Variants in CYP1B1 observed in about 807,000 individuals in gnomAD.
CYP1B1 encodes the protein cytochrome P450 family 1 subfamily B member 1.
A neutral mutation model predicts 29.9 loss-of-function variants in CYP1B1; 22 were observed. The observed-to-expected ratio is 0.74, with a 90% confidence interval of 0.53 to 1.05. The LOEUF is 1.05. Ranked by LOEUF, CYP1B1 falls within the 50% of genes least tolerant of loss-of-function variation. The probability of loss-of-function intolerance (pLI) is 0.00; values close to 1 mark genes in which losing one functional copy is unlikely to be tolerated. For missense variants in CYP1B1, 883 were observed against 746.9 expected, an observed-to-expected ratio of 1.18 and a Z score of -2.12; for synonymous variants, 375 against 320.0, an observed-to-expected ratio of 1.17 and a Z score of -1.83.
Position 38,067,585 on chromosome 2 carries a change from C to T in CYP1B1, c.*3137G>A, listed in dbSNP as rs1023072470. Reference sequence around the variant, plus strand: ...GTGATACATTAGACTATATTTGCTACAACATAAAACTTCATAACAAGATTA... The same window carrying T: ...GTGATACATTAGACTATATTTGCTATAACATAAAACTTCATAACAAGATTA... On this transcript the variant is annotated 3_prime_UTR_variant, in exon 3 of 3. Coordinates refer to ENST00000610745, the MANE Select transcript of CYP1B1 (RefSeq NM_000104.4). The T allele has an allele frequency of 5.8e-6, 1 of 172,244 alleles. No homozygotes were observed. Among genetic ancestry groups the T allele is most frequent in the Non-Finnish European group, 1.3e-5 (1 of 79,490 alleles). The allele number at this position is 172,244 out of a possible 1,614,324, so 10.7% of individuals were successfully genotyped here.
intron 2 of CYP1B1, chr2:38,074,084 T>C (rs1682479115): frequency 1.7e-6 from 1 of 577,290 alleles, no homozygotes; most frequent in Non-Finnish European, 3.1e-6. Flanking sequence ...TTTGCAAATG[T>C]GTTCTCACTC....
chr2:38,073,731 A>C (rs554373043), intron 2 of CYP1B1: 7 of 152,586 alleles, frequency 4.6e-5, no homozygotes, highest in African/African-American at 1.7e-4. Flanking sequence ...GCATTTCTCA[A>C]ACTCCTAGCG....
rs1267757855 is a variant in CYP1B1, at chr2:38,074,899, G to A, written c.490C>T (p.Gln164Ter). The A allele has an allele frequency of 6.4e-7, 1 of 1,556,118 alleles. No individual in the cohort carries two copies. The highest frequency in any genetic ancestry group is 8.7e-7 in the Non-Finnish European group (1 of 1,154,488). ...CTCAGCACGTGGCCCTCGAGGACTT[G>A]GCGGCTGCGCGGCTGGCGCGTGAAG... ...NFFTRQPRSR[Q>*]VLEGHVLSEA... The change falls in exon 2 of 3, where the codon CAA (glutamine) becomes TAA (stop). Residue 164 changes from glutamine (Q) to a stop codon, truncating the protein, a stop_gained. Coordinates refer to ENST00000610745, the MANE Select transcript of CYP1B1 (RefSeq NM_000104.4). LOFTEE classifies it high-confidence loss of function.
chr2:38,072,746 T>C (rs1192674070), intron 2 of CYP1B1, among the ~76,000 whole-genome samples: 1 of 152,228 alleles, frequency 6.6e-6, no homozygotes, highest in African/African-American at 2.4e-5. Flanking sequence ...AAACCCTCTT[T>C]GTTGCACTAC....
rs746835202 is a variant in CYP1B1 at position 38,070,689 on chromosome 2, A to C, written c.*33T>G. ...TTACTCCTCATCTCCGAAGATGTGA[A>C]TATTTCTAAAATTTCAGCTTGCCTC... On this transcript the variant is annotated 3_prime_UTR_variant, in exon 3 of 3. Coordinates refer to ENST00000610745, the MANE Select transcript of CYP1B1 (RefSeq NM_000104.4). The C allele has an allele frequency of 3.2e-6, 5 of 1,585,828 alleles. No individual in the cohort carries two copies. In the South Asian group the frequency reaches 4.4e-5, roughly 14 times the overall value.
Position 38,068,869 on chromosome 2 carries a change from C to A in CYP1B1, c.*1853G>T, listed in dbSNP as rs9341265. 1,034 of 227,302 alleles carry A rather than the reference C, an allele frequency of 4.5e-3. 16 individuals carry two copies. Among genetic ancestry groups the A allele is most frequent in the East Asian group, 0.039 (615 of 15,848 alleles). The allele number at this position is 227,302 out of a possible 1,614,324, so 14.1% of individuals were successfully genotyped here. On this transcript the variant is annotated 3_prime_UTR_variant, in exon 3 of 3. Transcript: ENST00000610745. ...TCAGAATGAGTGGGAAAATGTTTAA[C>A]CATCTTTCCTTCTTTTCAGTGTTTC...
At chr2:38,072,903 A>G (rs1682457774) in intron 2 of CYP1B1, among the ~76,000 whole-genome samples, 1 of 152,250 alleles carries the variant, frequency 6.6e-6, no homozygotes, top group East Asian at 1.9e-4. Context: ...AAAAGGAAAA[A>G]AAAAGTATCA....
chr2:38,069,823 A>G lies in CYP1B1; in HGVS notation c.*899T>C, dbSNP rs1208063962. On this transcript the variant is annotated 3_prime_UTR_variant, in exon 3 of 3. Coordinates refer to ENST00000610745, the MANE Select transcript of CYP1B1 (RefSeq NM_000104.4). Reference sequence around the variant, plus strand: ...CTGCTTACGGACAGTTAAGTAATATATTTCACACTATTTGGTGACTTTTTT... The same window carrying G: ...CTGCTTACGGACAGTTAAGTAATATGTTTCACACTATTTGGTGACTTTTTT... The G allele has an allele frequency of 5.1e-6, 1 of 195,198 alleles. No homozygotes were observed. The highest frequency in any genetic ancestry group is 2.3e-5 in the African/African-American group (1 of 43,276). The allele number at this position is 195,198 out of a possible 1,614,324, so 12.1% of individuals were successfully genotyped here.
chr2:38,068,830 C>T lies in CYP1B1; in HGVS notation c.*1892G>A, dbSNP rs1380286136. The T allele has an allele frequency of 8.8e-6, 2 of 226,586 alleles. No homozygotes were observed. Among genetic ancestry groups the T allele is most frequent in the Non-Finnish European group, 1.8e-5 (2 of 113,806 alleles). 14.0% of individuals were successfully genotyped at this position (226,586 alleles called of 1,614,324 possible). A position where few individuals can be genotyped will look rare whatever the true frequency, so the allele number is the denominator to read the frequency against. The stretch of plus-strand genomic sequence containing the variant: ...ATGTCCATGCTTTGAATTTTGTGCT[C>T]CAAATTAATTAATTCAGAATGAGTG... On this transcript the variant is annotated 3_prime_UTR_variant, in exon 3 of 3. Coordinates refer to ENST00000610745, the MANE Select transcript of CYP1B1 (RefSeq NM_000104.4).
chr2:38,071,360 A>G lies in CYP1B1; in HGVS notation c.1044-50T>C, dbSNP rs766412697. 9 of 1,520,722 alleles carry G rather than the reference A, an allele frequency of 5.9e-6. No homozygotes were observed. In the South Asian group the frequency reaches 8.0e-5, roughly 14 times the overall value. 94.2% of individuals were successfully genotyped at this position (1,520,722 alleles called of 1,614,324 possible). A position where few individuals can be genotyped will look rare whatever the true frequency, so the allele number is the denominator to read the frequency against. ...AGAAAAGCAAGTGAGCAAAATTCTT[A>G]TTTCATCTAGAAAGCACATTATAAT... On this transcript the variant is annotated intron_variant, in intron 2 of 2. Transcript: ENST00000610745.
chr2:38,072,325 C>A (rs1231655980), intron 2 of CYP1B1, among the ~76,000 whole-genome samples: 3 of 151,990 alleles, frequency 2.0e-5, no homozygotes, highest in Non-Finnish European at 4.4e-5. Context: ...GAGTTTGGGA[C>A]CAGCCTGGGT....
chr2:38,075,626 C>G, intron 1 of CYP1B1, 154 bp downstream of exon 1: 1 of 590,998 alleles, frequency 1.7e-6, no homozygotes, highest in Non-Finnish European at 3.0e-6. Context: ...CCCCTCCCCG[C>G]AAGGCGCGTA....
Position 38,070,644 on chromosome 2 carries a change from A to G in CYP1B1, c.*78T>C, listed in dbSNP as rs932683792. On this transcript the variant is annotated 3_prime_UTR_variant, in exon 3 of 3. Coordinates refer to ENST00000610745, the MANE Select transcript of CYP1B1 (RefSeq NM_000104.4). ...TAATTGAGAAGCAGCACAAAAGAGG[A>G]ACTGGAAAAAAACTGAATTTTACTC... 2.0e-5 allele frequency: 25 copies of G among 1,255,918 alleles called. No homozygotes were observed. The highest frequency in any genetic ancestry group is 2.7e-5 in the Non-Finnish European group (23 of 856,690). 77.8% of individuals were successfully genotyped at this position (1,255,918 alleles called of 1,614,324 possible).
At position 38,070,996 on chromosome 2, in the gene CYP1B1, T is replaced by G. The variant is rs1800440; in HGVS notation, c.1358A>C (p.Asn453Thr). 1.2e-6 allele frequency: 2 copies of G among 1,613,986 alleles called. No individual in the cohort carries two copies. Among genetic ancestry groups the G allele is most frequent in the African/African-American group, 2.7e-5 (2 of 74,898 alleles). The change falls in exon 3 of 3, where the codon AAC (asparagine) becomes ACC (threonine). Residue 453 changes from asparagine to threonine, a missense_variant. By Grantham distance (65) the Asn-to-Thr change is moderately conservative. Coordinates refer to ENST00000610745, the MANE Select transcript of CYP1B1 (RefSeq NM_000104.4). ...ARFLDKDGLI[N>T]KDLTSRVMIF... ...CATCACTCTGCTGGTCAGGTCCTTG[T>G]TGATGAGGCCATCCTTGTCCAAGAA...
rs1433481522 is a variant in CYP1B1 at position 38,069,903 on chromosome 2, C to A, written c.*819G>T. On this transcript the variant is annotated 3_prime_UTR_variant, in exon 3 of 3. Transcript: ENST00000610745. ...TACATTATGGTCACATAATTTAAAG[C>A]TTGGCTGGCTTTTTTTTTTTTCTTT... 5.1e-6 allele frequency: 1 copy of A among 198,016 alleles called. No individual in the cohort carries two copies. The highest frequency in any genetic ancestry group is 1.0e-5 in the Non-Finnish European group (1 of 96,528). The allele number at this position is 198,016 out of a possible 1,614,324, so 12.3% of individuals were successfully genotyped here. A position where few individuals can be genotyped will look rare whatever the true frequency, so the allele number is the denominator to read the frequency against.
chr2:38,070,789 A>G lies in CYP1B1; in HGVS notation c.1565T>C (p.Leu522Pro), dbSNP rs1474530569. The change falls in exon 3 of 3, where the codon CTC (leucine) becomes CCC (proline). Residue 522 changes from leucine to proline, a missense_variant. Leu to Pro is a moderately conservative substitution (Grantham distance 98, BLOSUM62 -3). Transcript: ENST00000610745. ...ATCAAGGAGCTCCATGGACTCTCTG[A>G]GAGTGACATTGACTTTAAATGACTT... ...KPKSFKVNVT[L>P]RESMELLDSA... is the part of the protein sequence containing the mutation. 1.2e-6 allele frequency: 2 copies of G among 1,614,248 alleles called. No homozygotes were observed. The highest frequency in any genetic ancestry group is 2.2e-5 in the East Asian group (1 of 44,892).
In CYP1B1 at chr2:38,074,853, G is replaced by T; in HGVS notation, c.536C>A (p.Ala179Glu). 6.4e-7 allele frequency: 1 copy of T among 1,563,088 alleles called. No individual in the cohort carries two copies. Among genetic ancestry groups the T allele is most frequent in the Non-Finnish European group, 8.7e-7 (1 of 1,154,858 alleles). The change falls in exon 2 of 3, where the codon GCG (alanine) becomes GAG (glutamate). Residue 179 changes from alanine (A) to glutamate (E), a missense_variant. Transcript: ENST00000610745. Reference sequence around the variant, plus strand: ...GTCCGCGCTGCCGCGCACCAGCAGCGCCACCAGCTCGCGCGCCTCGCTCAG... The same window carrying T: ...GTCCGCGCTGCCGCGCACCAGCAGCTCCACCAGCTCGCGCGCCTCGCTCAG... ...HVLSEARELV[A>E]LLVRGSADGA...
intron 2 of CYP1B1, among the ~76,000 whole-genome samples, chr2:38,072,552 A>G (rs1438044990): frequency 6.6e-6 from 1 of 152,234 alleles, no homozygotes; most frequent in Non-Finnish European, 1.5e-5. Flanking sequence ...AAGTGTTAGA[A>G]GTCAAAAAAC....
chr2:38,068,400 A>G lies in CYP1B1; in HGVS notation c.*2322T>C, dbSNP rs1682355040. 1 of 227,668 alleles carries G rather than the reference A, an allele frequency of 4.4e-6. No individual in the cohort carries two copies. Among genetic ancestry groups the G allele is most frequent in the African/African-American group, 2.2e-5 (1 of 44,898 alleles). 14.1% of individuals were successfully genotyped at this position (227,668 alleles called of 1,614,324 possible). A position where few individuals can be genotyped will look rare whatever the true frequency, so the allele number is the denominator to read the frequency against. On this transcript the variant is annotated 3_prime_UTR_variant, in exon 3 of 3. Transcript: ENST00000610745. ...CAAGCATCTGATGACGACTGGGCCTACATACGTAAAAACAGATTATAGCAC... is the reference window on the plus strand; with the variant it reads ...CAAGCATCTGATGACGACTGGGCCTGCATACGTAAAAACAGATTATAGCAC...
Sources: allele counts gnomAD v4.1 joint callset (sites outside exome capture counted in the v4.1 genomes callset), GRCh38; gene constraint gnomAD v4.1.1; transcripts MANE v1.5; gene names NCBI Gene and HGNC (gene_info 2026-07-23, HGNC 2026-07-21).